Variants in HIP1 observed in about 807,000 individuals in gnomAD.
HIP1 encodes huntingtin interacting protein 1, also known as huntingtin-interacting protein 1.
In HIP1, 65 loss-of-function variants were observed where a neutral mutation model predicts 147.6. The ratio of observed to expected loss-of-function variants is 0.44; its 90% CI spans 0.36 to 0.54. HIP1 has a LOEUF of 0.54. Among genes scored for constraint, HIP1 ranks in the 20% least tolerant of loss-of-function variants. The probability of loss-of-function intolerance (pLI) is 0.00; values close to 1 mark genes in which losing one functional copy is unlikely to be tolerated. For missense variants in HIP1, 1,061 were observed against 1,299.6 expected (o/e 0.82, Z 2.82); for synonymous variants, 479 against 504.0 (o/e 0.95, Z 0.67).
chr7:75,616,085 CAAAAAA>C (rs71098042), intron 1 of HIP1, among the ~76,000 whole-genome samples: 1 of 35,322 alleles, frequency 2.8e-5, no homozygotes, highest in African/African-American at 1.2e-4. Flanking sequence ...GACTCTGTCT[CAAAAAA>C]AAAAAAAAAA....
intron 1 of HIP1, among the ~76,000 whole-genome samples, chr7:75,698,288 A>G (rs1800703509): frequency 6.6e-6 from 1 of 152,116 alleles, no homozygotes; most frequent in Non-Finnish European, 1.5e-5. Flanking sequence ...TAGAAGCACC[A>G]TCTCACTAAA....
intron 21 of HIP1, 134 bp downstream of exon 21, chr7:75,553,979 A>T (rs587749264): frequency 1.6e-6 from 1 of 640,662 alleles, no homozygotes; most frequent in Admixed American, 2.7e-5. Context: ...TCCCGACCTC[A>T]AGTGATCTGC....
At chr7:75,612,463 C>A (rs958823530) in intron 1 of HIP1, among the ~76,000 whole-genome samples, 4 of 151,384 alleles carry the variant, frequency 2.6e-5, no homozygotes, top group African/African-American at 9.7e-5. Flanking sequence ...GAGCCGAATT[C>A]GCGCCACTGC....
chr7:75,590,434 GA>G (rs1402297410), intron 4 of HIP1, among the ~76,000 whole-genome samples: 1 of 151,876 alleles, frequency 6.6e-6, no homozygotes, highest in East Asian at 1.9e-4. Context: ...AACAGAATGA[GA>G]AAAAAACACC....
rs374883625 is a variant in HIP1 at position 75,546,891 on chromosome 7, T to C, written c.2559+48A>G. 42 of 1,325,442 alleles carry C rather than the reference T, an allele frequency of 3.2e-5. No individual in the cohort carries two copies. The African/African-American group carries it at 5.4e-4, about 17-fold the overall frequency. 82.1% of individuals were successfully genotyped at this position (1,325,442 alleles called of 1,614,324 possible). A position where few individuals can be genotyped will look rare whatever the true frequency, so the allele number is the denominator to read the frequency against. On this transcript the variant is annotated intron_variant, in intron 25 of 30. Transcript: ENST00000336926. ...CACAGAGTCCGTTGGAGCGGGAGTC[T>C]GTCACCAATGCCTCCTCTTCCTGCC...
At chr7:75,556,225 A>T (rs1212443367) in intron 17 of HIP1, 56 bp from the exon 18 acceptor site, 7 of 1,589,370 alleles carry the variant, frequency 4.4e-6, no homozygotes, top group Middle Eastern at 1.7e-4. Context: ...AACAGTCCCT[A>T]CTTCCCAGAG....
intron 1 of HIP1, among the ~76,000 whole-genome samples, chr7:75,698,383 A>G (rs559378643): frequency 1.6e-4 from 25 of 152,266 alleles, no homozygotes; most frequent in South Asian, 6.2e-4. Context: ...GATTAGGCCA[A>G]TTGTCACAGT....
intron 21 of HIP1, among the ~76,000 whole-genome samples, chr7:75,553,869 G>A (rs755073954): frequency 3.5e-4 from 54 of 152,138 alleles, no homozygotes; most frequent in Non-Finnish European, 6.6e-4. Context: ...CTCCCAAAGT[G>A]TTACGGCGAT....
chr7:75,601,031 T>A (rs1166461950), intron 1 of HIP1, among the ~76,000 whole-genome samples: 1 of 152,118 alleles, frequency 6.6e-6, no homozygotes, highest in Non-Finnish European at 1.5e-5. Context: ...ACACTGGGAT[T>A]ACAGGCATGA....
chr7:75,682,894 T>C (rs1410797938), intron 1 of HIP1, among the ~76,000 whole-genome samples: 1 of 152,122 alleles, frequency 6.6e-6, no homozygotes, highest in Non-Finnish European at 1.5e-5. Flanking sequence ...AGCAAGGACA[T>C]GGTGCTATGG....
Position 75,592,073 on chromosome 7 carries a change from C to G in HIP1, c.367G>C (p.Asp123His). 6.2e-7 allele frequency: 1 copy of G among 1,614,080 alleles called. No homozygotes were observed. Among genetic ancestry groups the G allele is most frequent in the Non-Finnish European group, 8.5e-7 (1 of 1,179,926 alleles). Residue 123 changes from aspartate (D) to histidine (H), a missense_variant, in exon 4 of 31, where the codon GAC (aspartate) becomes CAC (histidine). Asp to His is a moderately conservative substitution (Grantham distance 81). Around this residue, in one of 3 missense-constraint regions of HIP1, gnomAD observed 225 missense variants for 292.9 expected, o/e 0.77. Transcript: ENST00000336926. The stretch of plus-strand genomic sequence containing the variant: ...AAACTCACCCACATCCTGCTCATGT[C>G]ACTCAATTCATTTCTGTATCTCAGA... The part of the protein sequence containing the change: ...DSLRYRNELS[D>H]MSRMWGHLSE...
intron 7 of HIP1, among the ~76,000 whole-genome samples, chr7:75,576,313 C>G (rs1795844244): frequency 6.6e-6 from 1 of 152,214 alleles, no homozygotes; most frequent in African/African-American, 2.4e-5. Flanking sequence ...TTAGGATCAC[C>G]TGGGGAAACT....
chr7:75,705,401 CTT>C (rs1283879745), intron 1 of HIP1, among the ~76,000 whole-genome samples: 3 of 148,766 alleles, frequency 2.0e-5, no homozygotes, highest in Non-Finnish European at 4.4e-5. Flanking sequence ...AAGTTTCACT[CTT>C]GTCGCCCAGG....
At chr7:75,550,071 G>C (rs968230301) in intron 22 of HIP1, among the ~76,000 whole-genome samples, 1 of 152,178 alleles carries the variant, frequency 6.6e-6, no homozygotes, top group Non-Finnish European at 1.5e-5. Context: ...TGTGCAGATA[G>C]GAAGCCAGGG....
chr7:75,673,502 C>A (rs1799788055), intron 1 of HIP1, among the ~76,000 whole-genome samples: 1 of 152,054 alleles, frequency 6.6e-6, no homozygotes, highest in Admixed American at 6.6e-5. Context: ...TCTTCTGACC[C>A]AAGAACATAA....
chr7:75,683,633 A>G (rs1444664931), intron 1 of HIP1, among the ~76,000 whole-genome samples: 10 of 152,086 alleles, frequency 6.6e-5, no homozygotes, highest in African/African-American at 2.2e-4. Flanking sequence ...AGCATGCCCC[A>G]TCCCATAGCA....
intron 1 of HIP1, among the ~76,000 whole-genome samples, chr7:75,679,361 G>A (rs902034586): frequency 1.3e-5 from 2 of 152,070 alleles, no homozygotes; most frequent in African/African-American, 2.4e-5. Flanking sequence ...GCACCAGCAC[G>A]CCTGGCTCAT....
At chr7:75,561,203 C>T (rs1456432650) in intron 13 of HIP1, 126 bp downstream of exon 13, 1 of 782,032 alleles carries the variant, frequency 1.3e-6, no homozygotes, top group Non-Finnish European at 2.3e-6. Flanking sequence ...ATCCTCCTGC[C>T]TTGGCCTCCC....
chr7:75,676,922 T>G (rs1799912920), intron 1 of HIP1, among the ~76,000 whole-genome samples: 1 of 151,528 alleles, frequency 6.6e-6, no homozygotes, highest in Admixed American at 6.6e-5. Flanking sequence ...GGGCCAAGTG[T>G]GGGGGCTCAC....
Sources: allele counts gnomAD v4.1 joint callset (sites outside exome capture counted in the v4.1 genomes callset), GRCh38; gene constraint gnomAD v4.1.1; regional missense constraint gnomAD v4.1.1; transcripts MANE v1.5; gene names NCBI Gene and HGNC (gene_info 2026-07-23, HGNC 2026-07-21).